The following CELF2 variants were observed in gnomAD, a reference collection of about 807,000 sequenced individuals.
The protein encoded by CELF2 is CUGBP Elav-like family member 2.
Under a neutral mutation model 62.6 loss-of-function variants are expected in CELF2, and 8 were observed. That is an observed-to-expected ratio of 0.13 (90% CI 0.07 to 0.23). The LOEUF is 0.23. Ranked by LOEUF, CELF2 falls within the 10% of genes least tolerant of loss-of-function variation. The pLI is 1.00. For synonymous variants in CELF2, 258 were observed against 250.0 expected (o/e 1.03, Z -0.30); for missense variants, 333 against 671.0 (o/e 0.50, Z 5.56).
At chr10:10,608,046 T>C in the CELF2 span, among the ~76,000 whole-genome samples, 9 of 152,172 alleles carry the variant, frequency 5.9e-5, no homozygotes, top group African/African-American at 2.2e-4. Context: ...GTGAATCACT[T>C]GAACCCAGGA....
the CELF2 span, among the ~76,000 whole-genome samples, chr10:10,493,342 T>G: frequency 2.0e-5 from 3 of 152,066 alleles, no homozygotes; most frequent in Non-Finnish European, 4.4e-5. Context: ...TGGAAAAAGT[T>G]CTGGAGATGC....
chr10:11,063,361 C>G (rs964080469), intron 1 of CELF2, among the ~76,000 whole-genome samples: 1 of 152,144 alleles, frequency 6.6e-6, no homozygotes, highest in Non-Finnish European at 1.5e-5. Flanking sequence ...GATGGTCAGG[C>G]GACTACTACC....
the CELF2 span, among the ~76,000 whole-genome samples, chr10:10,506,906 C>G: frequency 3.0e-3 from 452 of 151,968 alleles, 3 homozygotes; most frequent in African/African-American, 0.011. Context: ...CTAAAGTGAT[C>G]CACCTGCCTC....
chr10:11,154,292 G>T (rs2063881743), intron 1 of CELF2, among the ~76,000 whole-genome samples: 1 of 152,214 alleles, frequency 6.6e-6, no homozygotes. Flanking sequence ...TTTATGACTT[G>T]CTGAGAGAGA....
At chr10:10,828,008 A>AC (rs1271516900) in intron 1 of CELF2, among the ~76,000 whole-genome samples, 255 of 149,386 alleles carry the variant, frequency 1.7e-3, no homozygotes, top group Middle Eastern at 3.5e-3. Flanking sequence ...CTTAAAAAAA[A>AC]AAAAAAAAAA....
intron 1 of CELF2, among the ~76,000 whole-genome samples, chr10:10,863,527 G>T (rs1004000173): frequency 1.3e-5 from 2 of 152,148 alleles, no homozygotes; most frequent in African/African-American, 4.8e-5. Flanking sequence ...TATCAAATGG[G>T]GCTAGGGTGT....
At chr10:10,642,827 G>A in the CELF2 span, among the ~76,000 whole-genome samples, 1 of 152,244 alleles carries the variant, frequency 6.6e-6, no homozygotes, top group Non-Finnish European at 1.5e-5. Flanking sequence ...CCTGCCCACT[G>A]CTTGGGTTGC....
the CELF2 span, among the ~76,000 whole-genome samples, chr10:10,632,305 A>T: frequency 6.6e-6 from 1 of 152,146 alleles, no homozygotes; most frequent in African/African-American, 2.4e-5. Context: ...CCATTGCCTC[A>T]CCTCATACAT....
chr10:10,975,028 G>A (rs1029784187), intron 2 of CELF2, among the ~76,000 whole-genome samples: 2 of 152,228 alleles, frequency 1.3e-5, no homozygotes, highest in African/African-American at 4.8e-5. Flanking sequence ...TTAGTTTTCA[G>A]GGATGTAGCC....
chr10:10,797,570 A>C (rs2054219606), upstream of CELF2, among the ~76,000 whole-genome samples: 4 of 152,186 alleles, frequency 2.6e-5, 1 homozygote. Context: ...CGTAAGAAAA[A>C]GAGGAATTTA....
chr10:10,887,122 T>C (rs186161812), intron 1 of CELF2, among the ~76,000 whole-genome samples: 11 of 152,114 alleles, frequency 7.2e-5, no homozygotes, highest in Middle Eastern at 3.4e-3. Flanking sequence ...CCCAGATTTG[T>C]AGCATTGTTA....
At chr10:10,789,594 G>A in the CELF2 span, among the ~76,000 whole-genome samples, 10 of 152,004 alleles carry the variant, frequency 6.6e-5, no homozygotes, top group Non-Finnish European at 1.5e-4. Context: ...ATATATGAGT[G>A]GGCCTATTTC....
In CELF2 at chr10:11,293,754, C is replaced by T. The variant is rs186702373; in HGVS notation, c.976+5202C>T. 1.5e-3 allele frequency among the ~76,000 whole-genome samples: 225 copies of T among 152,056 alleles called. 1 individual carries two copies. The highest frequency in any genetic ancestry group is 5.3e-3 in the African/African-American group (221 of 41,498). Reference sequence around the variant, plus strand: ...GTTATTTACTCATAATTCCCCCTTGCATCTGGAGCAGCACATCAGACACAG... The same window carrying T: ...GTTATTTACTCATAATTCCCCCTTGTATCTGGAGCAGCACATCAGACACAG... On this transcript the variant is annotated intron_variant, in intron 9 of 12. Coordinates refer to ENST00000633077, the MANE Select transcript of CELF2 (RefSeq NM_001326342.2).
chr10:10,673,787 G>A, the CELF2 span, among the ~76,000 whole-genome samples: 1 of 152,030 alleles, frequency 6.6e-6, no homozygotes, highest in African/African-American at 2.4e-5. Context: ...GGACCTATAT[G>A]TTTTATAGAA....
chr10:10,613,309 A>T, the CELF2 span, among the ~76,000 whole-genome samples: 3 of 152,196 alleles, frequency 2.0e-5, no homozygotes, highest in African/African-American at 7.2e-5. Flanking sequence ...AAAAGCAGAG[A>T]GAGTTTAAAA....
chr10:10,786,456 C>T, the CELF2 span, among the ~76,000 whole-genome samples: 77 of 147,842 alleles, frequency 5.2e-4, no homozygotes, highest in Non-Finnish European at 2.1e-4. Context: ...AGAAATCTTG[C>T]GTCACACCTT....
the CELF2 span, among the ~76,000 whole-genome samples, chr10:10,578,876 C>CA: frequency 5.9e-5 from 9 of 152,172 alleles, no homozygotes; most frequent in African/African-American, 2.2e-4. Flanking sequence ...ATGCTTGATA[C>CA]ACTTTAGGTT....
the CELF2 span, among the ~76,000 whole-genome samples, chr10:10,697,505 T>C: frequency 4.6e-5 from 7 of 152,152 alleles, no homozygotes; most frequent in Non-Finnish European, 1.5e-5. Flanking sequence ...CAAAATACGC[T>C]AGACTCGGGG....
chr10:11,082,851 C>A (rs1291800), intron 1 of CELF2, among the ~76,000 whole-genome samples: 1 of 152,216 alleles, frequency 6.6e-6, no homozygotes, highest in Non-Finnish European at 1.5e-5. Context: ...AAGCTGCCTT[C>A]GAGCAAAATG....
Sources: allele counts gnomAD v4.1 joint callset (sites outside exome capture counted in the v4.1 genomes callset), GRCh38; gene constraint gnomAD v4.1.1; transcripts MANE v1.5; gene names NCBI Gene and HGNC (gene_info 2026-07-23, HGNC 2026-07-21).